COA6: variants seen among roughly 807,000 people sequenced by gnomAD.
COA6 encodes cytochrome c oxidase assembly factor 6.
Under a neutral mutation model 17.1 loss-of-function variants are expected in COA6, and 12 were observed. The observed-to-expected ratio is 0.70, with a 90% CI of 0.45 to 1.14. COA6 has a LOEUF of 1.14. Ranked by LOEUF, COA6 falls within the 50% of genes most tolerant of loss-of-function variation. COA6 has a pLI of 0.00. For synonymous variants in COA6, 90 were observed against 73.4 expected, an observed-to-expected ratio of 1.23 and a Z score of -1.16; for missense variants, 246 against 196.5, an observed-to-expected ratio of 1.25 and a Z score of -1.51.
Position 234,384,700 on chromosome 1 carries a change from C to CCCT in COA6, c.*884_*886dup, listed in dbSNP as rs1375378443. Among the ~76,000 whole-genome samples the CCCT allele has an allele frequency of 1.3e-5, 2 of 152,118 alleles. No individual in the cohort carries two copies. The highest frequency in any genetic ancestry group is 4.8e-5 in the African/African-American group (2 of 41,414). On this transcript the variant is annotated 3_prime_UTR_variant, in exon 3 of 3. Coordinates refer to ENST00000366615, the MANE Select transcript of COA6 (RefSeq NM_001206641.3). ...ATTAAATGGAGAGGTATACAGTTGG[C>CCCT]CCTCTGTGGGTTCTGCATCCATGGA...
rs760557222 is a variant in COA6 at position 234,374,261 on chromosome 1, A to G, written c.244A>G (p.Met82Val). ...CGCAGTAGGAATGGCAGCCCCATCT[A>G]TGAAGGAAAGACAGGTCTGCTGGGG... ...FIAVGMAAPSMKERQVCWGAR... is the reference protein window; with the variant it reads ...FIAVGMAAPSVKERQVCWGAR... Residue 82 changes from methionine (M) to valine (V), a missense_variant, in exon 2 of 3, where the codon ATG becomes GTG. By Grantham distance (21) the Met-to-Val change is conservative. Transcript: ENST00000366615. 48 of 1,613,336 alleles carry G rather than the reference A, an allele frequency of 3.0e-5. No individual in the cohort carries two copies. The highest frequency in any genetic ancestry group is 3.9e-5 in the Non-Finnish European group (46 of 1,179,878).
intron 2 of COA6, among the ~76,000 whole-genome samples, chr1:234,378,028 T>A (rs1402715450): frequency 6.6e-6 from 1 of 152,212 alleles, no homozygotes; most frequent in African/African-American, 2.4e-5. Context: ...AGCACTTGTG[T>A]TGTCTGGGGA....
Position 234,373,596 on chromosome 1 carries a change from G to T in COA6, c.130G>T (p.Ala44Ser). ...RPCSGRTRHR[A>S]LHRRLVACVT... ...CTGCAGTGGCAGGACTCGGCACCGC[G>T]CCCTCCACCGCCGGTTGGTGGCCTG... Residue 44 changes from alanine (A) to serine (S), a missense_variant, in exon 1 of 3, where the codon GCC (alanine) becomes TCC (serine). Coordinates refer to ENST00000366615, the MANE Select transcript of COA6 (RefSeq NM_001206641.3). 6.2e-7 allele frequency: 1 copy of T among 1,612,408 alleles called. No individual in the cohort carries two copies. The highest frequency in any genetic ancestry group is 8.5e-7 in the Non-Finnish European group (1 of 1,179,500).
chr1:234,377,518 C>G (rs1018944473), intron 2 of COA6, among the ~76,000 whole-genome samples: 1 of 152,166 alleles, frequency 6.6e-6, no homozygotes, highest in Non-Finnish European at 1.5e-5. Flanking sequence ...ATGCTTCCAG[C>G]TTCAGTGAAA....
At chr1:234,379,145 G>T (rs1270232040) in intron 2 of COA6, among the ~76,000 whole-genome samples, 2 of 151,616 alleles carry the variant, frequency 1.3e-5, no homozygotes, top group East Asian at 3.9e-4. Context: ...CTCCCAAAGA[G>T]CTGGGATTAT....
At position 234,374,319 on chromosome 1, in the gene COA6, A is replaced by G; in HGVS notation, c.302A>G (p.Glu101Gly). ...ARDEYWKCLD[E>G]NLEDASQCKK... ...GATGAGTACTGGAAGTGTTTAGATGAGAACTTAGAGGATGCTTCTCAATGC... is the reference window on the plus strand; with the variant it reads ...GATGAGTACTGGAAGTGTTTAGATGGGAACTTAGAGGATGCTTCTCAATGC... Residue 101 changes from glutamate to glycine, a missense_variant, in exon 2 of 3, where the codon GAG becomes GGG. By Grantham distance (98) the Glu-to-Gly change is moderately conservative (BLOSUM62 -2). Transcript: ENST00000366615. The G allele has an allele frequency of 6.2e-7, 1 of 1,614,114 alleles. No individual in the cohort carries two copies.
rs10910421 is a variant in COA6, at chr1:234,374,118, T to G, written c.213-112T>G. The G allele has an allele frequency of 0.027, 26,253 of 975,232 alleles. 207 individuals are homozygous for G. The highest frequency in any genetic ancestry group is 0.038 in the African/African-American group (1,406 of 37,430). 60.4% of individuals were successfully genotyped at this position (975,232 alleles called of 1,614,324 possible). A position where few individuals can be genotyped will look rare whatever the true frequency, so the allele number is the denominator to read the frequency against. ...ATGGTTTTGTTTTGTTTTTGTTTTT[T>G]TTTTTTTTTTTAGTTTTAAAGGAAG... On this transcript the variant is annotated intron_variant, in intron 1 of 2. Coordinates refer to ENST00000366615, the MANE Select transcript of COA6 (RefSeq NM_001206641.3).
chr1:234,373,654 A>C lies in COA6; in HGVS notation c.188A>C (p.Glu63Ala). 6.2e-7 allele frequency: 1 copy of C among 1,613,046 alleles called. No individual in the cohort carries two copies. The highest frequency in any genetic ancestry group is 2.2e-5 in the East Asian group (1 of 44,868). The change falls in exon 1 of 3, where the codon GAA (glutamate) becomes GCA (alanine). Residue 63 changes from glutamate (E) to alanine (A), a missense_variant. Coordinates refer to ENST00000366615, the MANE Select transcript of COA6 (RefSeq NM_001206641.3). ...GTTTCCTCCCGTCGACATCGAAAGG[A>C]AGCCGGACGTGGGCGGGCAGAGAGG... ...VTVSSRRHRK[E>A]AGRGRAESFI...
In COA6 at chr1:234,383,856, T is replaced by A; in HGVS notation, c.*38T>A. 9.5e-7 allele frequency: 1 copy of A among 1,047,720 alleles called. No homozygotes were observed. Among genetic ancestry groups the A allele is most frequent in the Non-Finnish European group, 1.5e-6 (1 of 685,960 alleles). 64.9% of individuals were successfully genotyped at this position (1,047,720 alleles called of 1,614,324 possible). On this transcript the variant is annotated 3_prime_UTR_variant, in exon 3 of 3. Transcript: ENST00000366615. ...GATTGAAAGTATTCTTTCTGGACAT[T>A]GAAAAAGCTCCACTGACTATGGAAC...
rs61077059 is a variant in COA6, at chr1:234,374,112, GTTTTTTT to G, written c.213-107_213-101del. The G allele has an allele frequency of 1.8e-3, 1,532 of 861,950 alleles. 10 individuals are homozygous for G. The African/African-American group carries it at 0.02, about 11-fold the overall frequency. 53.4% of individuals were successfully genotyped at this position (861,950 alleles called of 1,614,324 possible). On this transcript the variant is annotated intron_variant, in intron 1 of 2. Coordinates refer to ENST00000366615, the MANE Select transcript of COA6 (RefSeq NM_001206641.3). ...CTAAGCATGGTTTTGTTTTGTTTTT[GTTTTTTT>G]TTTTTTTTTTAGTTTTAAAGGAAGA...
intron 2 of COA6, among the ~76,000 whole-genome samples, chr1:234,377,067 A>ACCC (rs1344946629): frequency 9.4e-5 from 9 of 95,398 alleles, no homozygotes; most frequent in Admixed American, 3.7e-4. Context: ...GCCGAGAGAG[A>ACCC]GAGAGAGAGA....
intron 2 of COA6, among the ~76,000 whole-genome samples, chr1:234,381,136 C>T (rs892650056): frequency 9.9e-5 from 15 of 152,188 alleles, no homozygotes; most frequent in Non-Finnish European, 1.9e-4. Flanking sequence ...ATATCAAATT[C>T]ATATATTGTC....
rs1164879781 is a variant in COA6, at chr1:234,384,070, T to C, written c.*252T>C. On this transcript the variant is annotated 3_prime_UTR_variant, in exon 3 of 3. Transcript: ENST00000366615. ...ATGCACTTTTGTTTTGTTTTTGTTT[T>C]GTTTTTAATTAGAGGATGGGTAGTA... 3.3e-6 allele frequency: 1 copy of C among 306,838 alleles called. No individual in the cohort carries two copies. The highest frequency in any genetic ancestry group is 6.1e-6 in the Non-Finnish European group (1 of 164,420). The allele number at this position is 306,838 out of a possible 1,614,324, so 19.0% of individuals were successfully genotyped here.
At position 234,374,172 on chromosome 1, in the gene COA6, ATCTTC is replaced by A. The variant is rs1336004759; in HGVS notation, c.213-52_213-48del. ...AGATTGACGGTTTTCCTCTTTCCTTATCTTCTCTTCAGATTACAAAGTTCATTGTT... is the reference window on the plus strand; with the variant it reads ...AGATTGACGGTTTTCCTCTTTCCTTATCTTCAGATTACAAAGTTCATTGTT... On this transcript the variant is annotated intron_variant, in intron 1 of 2. Transcript: ENST00000366615. 3.5e-5 allele frequency: 50 copies of A among 1,431,534 alleles called. No individual in the cohort carries two copies. The East Asian group carries it at 1.1e-3, about 30-fold the overall frequency. The allele number at this position is 1,431,534 out of a possible 1,614,324, so 88.7% of individuals were successfully genotyped here.
chr1:234,377,062 G>C (rs767080340), intron 2 of COA6, among the ~76,000 whole-genome samples: 5,822 of 32,036 alleles, frequency 0.18, 363 homozygotes, highest in Non-Finnish European at 0.23. Context: ...GTGTTGCCGA[G>C]AGAGAGAGAG....
chr1:234,384,982 T>G lies in COA6; in HGVS notation c.*1164T>G, dbSNP rs1659085449. ...TAGAAGTTATGTTTATACTGTTGTC[T>G]AGTAAGTGTGCAATAGCATTATGTC... is the stretch of plus-strand genomic sequence containing the variant. On this transcript the variant is annotated 3_prime_UTR_variant, in exon 3 of 3. Transcript: ENST00000366615. Among the ~76,000 whole-genome samples the G allele has an allele frequency of 6.6e-6, 1 of 152,230 alleles. No individual in the cohort carries two copies. The highest frequency in any genetic ancestry group is 2.4e-5 in the African/African-American group (1 of 41,448).
At chr1:234,380,620 G>A (rs1377118699) in intron 2 of COA6, among the ~76,000 whole-genome samples, 1 of 152,048 alleles carries the variant, frequency 6.6e-6, no homozygotes, top group African/African-American at 2.4e-5. Flanking sequence ...AAATAAATAT[G>A]CCATACAACT....
intron 1 of COA6, 119 bp from the exon 2 acceptor site, chr1:234,374,111 T>G (rs1658708268): frequency 9.1e-7 from 1 of 1,098,948 alleles, no homozygotes; most frequent in Non-Finnish European, 1.2e-6. Context: ...GTTTTGTTTT[T>G]GTTTTTTTTT....
At position 234,384,692 on chromosome 1, in the gene COA6, A is replaced by C. The variant is rs1042173915; in HGVS notation, c.*874A>C. ...TACATCAGATTAAATGGAGAGGTAT[A>C]CAGTTGGCCCTCTGTGGGTTCTGCA... On this transcript the variant is annotated 3_prime_UTR_variant, in exon 3 of 3. Coordinates refer to ENST00000366615, the MANE Select transcript of COA6 (RefSeq NM_001206641.3). Among the ~76,000 whole-genome samples the C allele has an allele frequency of 1.2e-4, 18 of 152,240 alleles. No homozygotes were observed. Among genetic ancestry groups the C allele is most frequent in the Non-Finnish European group, 1.8e-4 (12 of 68,040 alleles).
Sources: allele counts gnomAD v4.1 joint callset (sites outside exome capture counted in the v4.1 genomes callset), GRCh38; gene constraint gnomAD v4.1.1; transcripts MANE v1.5; gene names NCBI Gene and HGNC (gene_info 2026-07-23, HGNC 2026-07-21).